The following TAFA1 variants were observed in gnomAD, a reference collection of about 807,000 sequenced individuals.
TAFA1 encodes the protein chemokine-like protein TAFA-1.
TAFA1 carries 4 observed loss-of-function variants against 18.5 expected under a neutral mutation model. That is an observed-to-expected ratio of 0.22 (90% CI 0.11 to 0.49). The LOEUF (loss-of-function observed/expected upper bound fraction) is 0.49, where lower values mean the gene tolerates loss of function less well. Among genes scored for constraint, TAFA1 ranks in the 20% least tolerant of loss-of-function variants. The pLI, the probability that TAFA1 is intolerant of heterozygous loss-of-function variation, is 0.98. For missense variants in TAFA1, 147 were observed against 169.0 expected, an observed-to-expected ratio of 0.87 and a Z score of 0.72; for synonymous variants, 56 against 55.2, an observed-to-expected ratio of 1.01 and a Z score of -0.06.
Position 68,417,267 on chromosome 3 carries a change from T to C in TAFA1, c.119-13T>C, listed in dbSNP as rs1040711855. ...ATTTCTAATCAGTGTCCCTGTTCTTTCTCTCTTGCCAGAAGGAGGGACGTG... is the reference window on the plus strand; with the variant it reads ...ATTTCTAATCAGTGTCCCTGTTCTTCCTCTCTTGCCAGAAGGAGGGACGTG... On this transcript the variant is annotated splice_polypyrimidine_tract_variant and intron_variant, in intron 2 of 4. Coordinates refer to ENST00000478136, the MANE Select transcript of TAFA1 (RefSeq NM_213609.4). 6.2e-7 allele frequency: 1 copy of C among 1,612,210 alleles called. No homozygotes were observed. Among genetic ancestry groups the C allele is most frequent in the Non-Finnish European group, 8.5e-7 (1 of 1,178,940 alleles).
At chr3:68,449,862 C>A (rs1473903498) in intron 3 of TAFA1, among the ~76,000 whole-genome samples, 1 of 152,174 alleles carries the variant, frequency 6.6e-6, no homozygotes, top group African/African-American at 2.4e-5. Flanking sequence ...AGTGAATAAA[C>A]AAAAGGTCTA....
chr3:68,083,567 G>A (rs2064931695), intron 2 of TAFA1, among the ~76,000 whole-genome samples: 2 of 152,158 alleles, frequency 1.3e-5, no homozygotes, highest in Admixed American at 1.3e-4. Context: ...GATGTTTATG[G>A]TCACTAGGCC....
chr3:68,160,556 A>C (rs1391913796), intron 2 of TAFA1, among the ~76,000 whole-genome samples: 1 of 152,208 alleles, frequency 6.6e-6, no homozygotes, highest in Non-Finnish European at 1.5e-5. Context: ...CATCAGTTTC[A>C]CATCTATAAT....
At chr3:68,069,777 T>A (rs191474068) in intron 2 of TAFA1, among the ~76,000 whole-genome samples, 134 of 152,318 alleles carry the variant, frequency 8.8e-4, no homozygotes, top group African/African-American at 3.2e-3. Context: ...GGCCAAAACA[T>A]AGGGGCTACA....
At chr3:68,086,577 A>T (rs1029047717) in intron 2 of TAFA1, among the ~76,000 whole-genome samples, 1 of 152,178 alleles carries the variant, frequency 6.6e-6, no homozygotes, top group Non-Finnish European at 1.5e-5. Context: ...TTTTCCTTCT[A>T]ATTTTAAAAT....
intron 2 of TAFA1, among the ~76,000 whole-genome samples, chr3:68,226,407 T>C (rs1174180719): frequency 6.6e-6 from 1 of 152,218 alleles, no homozygotes; most frequent in Non-Finnish European, 1.5e-5. Context: ...TCATTTTATA[T>C]GCATACGTGA....
chr3:68,433,551 A>G (rs1322118577), intron 3 of TAFA1, among the ~76,000 whole-genome samples: 3 of 152,130 alleles, frequency 2.0e-5, no homozygotes, highest in Admixed American at 2.0e-4. Flanking sequence ...ATGAAGGCAA[A>G]GTTCATGAAG....
chr3:68,538,729 A>G (rs2073316604), intron 3 of TAFA1, 27 bp from the exon 4 acceptor site: 1 of 1,611,796 alleles, frequency 6.2e-7, no homozygotes, highest in Admixed American at 1.7e-5. Context: ...TGAATTGCAA[A>G]CACAGTTGTT....
intron 2 of TAFA1, among the ~76,000 whole-genome samples, chr3:68,154,618 G>A (rs930416784): frequency 8.5e-5 from 13 of 152,126 alleles, no homozygotes; most frequent in Admixed American, 2.6e-4. Flanking sequence ...GACCAGGTCC[G>A]CCTTTTTTAG....
intron 2 of TAFA1, among the ~76,000 whole-genome samples, chr3:68,024,704 C>A (rs1303411125): frequency 6.6e-6 from 1 of 151,772 alleles, no homozygotes; most frequent in Non-Finnish European, 1.5e-5. Context: ...TTTTGTGAAA[C>A]TTAGCTTTAA....
intron 2 of TAFA1, among the ~76,000 whole-genome samples, chr3:68,229,822 C>G (rs1351985096): frequency 6.6e-6 from 1 of 152,114 alleles, no homozygotes; most frequent in Admixed American, 6.5e-5. Context: ...CCCCTTAAGG[C>G]TCAGTTTCTT....
At chr3:68,214,283 A>G (rs964104146) in intron 2 of TAFA1, among the ~76,000 whole-genome samples, 6 of 152,116 alleles carry the variant, frequency 3.9e-5, no homozygotes, top group Admixed American at 3.3e-4. Context: ...CACTTGAAAC[A>G]ATGTTATTTC....
chr3:68,145,634 CTT>C (rs1481417846), intron 2 of TAFA1: 4 of 1,242,318 alleles, frequency 3.2e-6, no homozygotes, highest in Non-Finnish European at 3.5e-6. Context: ...TGAAGACTGA[CTT>C]ATCACTCTGA....
intron 2 of TAFA1, among the ~76,000 whole-genome samples, chr3:68,183,396 G>A (rs1195072452): frequency 6.6e-6 from 1 of 152,076 alleles, no homozygotes. Flanking sequence ...GAACACTCTA[G>A]CAACTTATTA....
intron 2 of TAFA1, among the ~76,000 whole-genome samples, chr3:68,177,416 TC>T (rs1485365091): frequency 1.3e-5 from 2 of 152,182 alleles, no homozygotes; most frequent in Non-Finnish European, 2.9e-5. Flanking sequence ...GTCCTGGAAT[TC>T]TGTGCTTCTT....
chr3:68,336,692 C>A (rs2068974560), intron 2 of TAFA1, among the ~76,000 whole-genome samples: 1 of 152,152 alleles, frequency 6.6e-6, no homozygotes, highest in South Asian at 2.1e-4. Flanking sequence ...TTTAAACAAG[C>A]TTTCCAGGTG....
At chr3:68,490,824 A>G (rs1219839164) in intron 3 of TAFA1, among the ~76,000 whole-genome samples, 1 of 146,460 alleles carries the variant, frequency 6.8e-6, no homozygotes. Flanking sequence ...ATCCTCTACA[A>G]TTTTTTCTTT....
At chr3:68,242,024 C>T (rs970333111) in intron 2 of TAFA1, among the ~76,000 whole-genome samples, 2 of 152,188 alleles carry the variant, frequency 1.3e-5, no homozygotes, top group Non-Finnish European at 2.9e-5. Flanking sequence ...TAGCTCTCAG[C>T]TTTGGCCTGA....
At chr3:68,460,508 A>G (rs538032038) in intron 3 of TAFA1, among the ~76,000 whole-genome samples, 2 of 152,324 alleles carry the variant, frequency 1.3e-5, no homozygotes, top group South Asian at 2.1e-4. Flanking sequence ...AACTATCCTA[A>G]TAAAATCAAT....
Sources: allele counts gnomAD v4.1 joint callset (sites outside exome capture counted in the v4.1 genomes callset), GRCh38; gene constraint gnomAD v4.1.1; transcripts MANE v1.5; gene names NCBI Gene and HGNC (gene_info 2026-07-23, HGNC 2026-07-21).